Variants in TRIM24 observed in about 807,000 individuals in gnomAD.
TRIM24 encodes the protein transcription intermediary factor 1-alpha.
TRIM24 carries 29 observed loss-of-function variants against 123.9 expected under a neutral mutation model. The observed-to-expected ratio is 0.23, with a 90% confidence interval of 0.17 to 0.32. TRIM24 has a LOEUF of 0.32. Among genes scored for constraint, TRIM24 ranks in the 10% least tolerant of loss-of-function variants. The pLI, the probability that TRIM24 is intolerant of heterozygous loss-of-function variation, is 1.00. For synonymous variants in TRIM24, 456 were observed against 461.1 expected (o/e 0.99, Z 0.14); for missense variants, 932 against 1,295.3 (o/e 0.72, Z 4.31).
At chr7:138,505,596 A>ATG (rs1046670976) in intron 2 of TRIM24, among the ~76,000 whole-genome samples, 123 of 151,484 alleles carry the variant, frequency 8.1e-4, no homozygotes, top group African/African-American at 2.9e-3. Flanking sequence ...GAGTTCAGTG[A>ATG]TGTAGTCGTA....
At position 138,587,764 on chromosome 7, in the gene TRIM24, A is replaced by C. The variant is rs1434940428; in HGVS notation, c.*2813A>C. 6.6e-6 allele frequency: 1 copy of C among 152,240 alleles called. No individual in the cohort carries two copies. Among genetic ancestry groups the C allele is most frequent in the Non-Finnish European group, 1.5e-5 (1 of 68,072 alleles). 9.4% of individuals were successfully genotyped at this position (152,240 alleles called of 1,614,324 possible). On this transcript the variant is annotated 3_prime_UTR_variant, in exon 19 of 19. Coordinates refer to ENST00000343526, the MANE Select transcript of TRIM24 (RefSeq NM_015905.3). Reference sequence around the variant, plus strand: ...ATTTACTCAGTTCCACCTCACTGACAGCTTTTCTAGGTGCCAAGCAACTGA... The same window carrying C: ...ATTTACTCAGTTCCACCTCACTGACCGCTTTTCTAGGTGCCAAGCAACTGA...
At chr7:138,566,332 A>G (rs969086108) in intron 9 of TRIM24, among the ~76,000 whole-genome samples, 6 of 152,068 alleles carry the variant, frequency 3.9e-5, no homozygotes, top group Admixed American at 1.3e-4. Context: ...CCTGACCAAC[A>G]TGGCAAAACC....
intron 11 of TRIM24, among the ~76,000 whole-genome samples, chr7:138,572,960 T>A (rs1797687240): frequency 6.6e-6 from 1 of 152,228 alleles, no homozygotes; most frequent in South Asian, 2.1e-4. Flanking sequence ...TTCAGTGAGG[T>A]TAGTGCTGTA....
rs1163051621 is a variant in TRIM24 at position 138,460,383 on chromosome 7, G to A, written c.-166G>A. 7 of 632,530 alleles carry A rather than the reference G, an allele frequency of 1.1e-5. No homozygotes were observed. The highest frequency in any genetic ancestry group is 1.6e-5 in the Non-Finnish European group (7 of 439,992). The allele number at this position is 632,530 out of a possible 1,614,324, so 39.2% of individuals were successfully genotyped here. A position where few individuals can be genotyped will look rare whatever the true frequency, so the allele number is the denominator to read the frequency against. Reference sequence around the variant, plus strand: ...GCCACTCGGGAGGCGGATCCCGTGGGCCTGAGGAGGCTTCCCCCGCCCGGT... The same window carrying A: ...GCCACTCGGGAGGCGGATCCCGTGGACCTGAGGAGGCTTCCCCCGCCCGGT... On this transcript the variant is annotated 5_prime_UTR_variant, in exon 1 of 19. Transcript: ENST00000343526.
At chr7:138,521,191 T>C (rs74468952) in intron 4 of TRIM24, among the ~76,000 whole-genome samples, 3,240 of 152,212 alleles carry the variant, frequency 0.021, 92 homozygotes, top group African/African-American at 0.071. Context: ...TACCTCTTAG[T>C]AGAAGAAAAA....
chr7:138,498,833 C>T (rs1795970573), intron 1 of TRIM24, among the ~76,000 whole-genome samples: 1 of 151,962 alleles, frequency 6.6e-6, no homozygotes, highest in Admixed American at 6.6e-5. Context: ...AGGGTTTCAC[C>T]ATGTTGACCA....
At chr7:138,462,710 C>T (rs1226618027) in intron 1 of TRIM24, among the ~76,000 whole-genome samples, 1 of 151,976 alleles carries the variant, frequency 6.6e-6, no homozygotes, top group African/African-American at 2.4e-5. Flanking sequence ...TGTCTCTGAC[C>T]CTTGAATGTC....
intron 6 of TRIM24, among the ~76,000 whole-genome samples, chr7:138,533,791 T>C (rs2116597029): frequency 6.6e-6 from 1 of 152,346 alleles, no homozygotes; most frequent in South Asian, 2.1e-4. Context: ...GAAGGAATGG[T>C]ACCAGCTCCT....
At chr7:138,568,957 C>T (rs1214101229) in intron 10 of TRIM24, among the ~76,000 whole-genome samples, 2 of 151,920 alleles carry the variant, frequency 1.3e-5, no homozygotes, top group African/African-American at 2.4e-5. Flanking sequence ...AATCAATTTG[C>T]CTTTGCTATA....
At chr7:138,523,187 C>G (rs537843967) in intron 4 of TRIM24, among the ~76,000 whole-genome samples, 4 of 152,242 alleles carry the variant, frequency 2.6e-5, no homozygotes, top group African/African-American at 9.6e-5. Context: ...ATTGAGAGAG[C>G]AGGCCCAAAT....
At chr7:138,550,479 C>A (rs1165967135) in intron 7 of TRIM24, among the ~76,000 whole-genome samples, 1 of 151,954 alleles carries the variant, frequency 6.6e-6, no homozygotes, top group Non-Finnish European at 1.5e-5. Flanking sequence ...AATAGTGAAC[C>A]AAGAACTAAA....
intron 7 of TRIM24, among the ~76,000 whole-genome samples, chr7:138,542,570 G>A (rs575968955): frequency 6.6e-5 from 10 of 152,292 alleles, no homozygotes; most frequent in African/African-American, 2.4e-4. Context: ...TTGGAAGAAT[G>A]GTGCTGATTT....
Position 138,585,293 on chromosome 7 carries a change from A to T in TRIM24, c.*342A>T. On this transcript the variant is annotated 3_prime_UTR_variant, in exon 19 of 19. Transcript: ENST00000343526. ...GGAGTGATAGCTACTGTAGAAAGGA[A>T]ATAGACTTTGTATGAACTCTTTAAG... is the stretch of plus-strand genomic sequence containing the variant. 3.9e-6 allele frequency: 1 copy of T among 255,962 alleles called. No individual in the cohort carries two copies. The highest frequency in any genetic ancestry group is 7.5e-6 in the Non-Finnish European group (1 of 134,078). The allele number at this position is 255,962 out of a possible 1,614,324, so 15.9% of individuals were successfully genotyped here. A position where few individuals can be genotyped will look rare whatever the true frequency, so the allele number is the denominator to read the frequency against.
At chr7:138,487,044 G>C (rs1795663015) in intron 1 of TRIM24, among the ~76,000 whole-genome samples, 1 of 152,112 alleles carries the variant, frequency 6.6e-6, no homozygotes, top group South Asian at 2.1e-4. Flanking sequence ...TCCTTGAAGA[G>C]GTCCTTCACA....
rs565157824 is a variant in TRIM24, at chr7:138,579,249, A to C, written c.2302A>C (p.Ser768Arg). Reference sequence around the variant, plus strand: ...ACTCACCTCCCTGCTCTTAAATAGCAGTCAGAGCTCTACTTCTGAGGAGAC... The same window carrying C: ...ACTCACCTCCCTGCTCTTAAATAGCCGTCAGAGCTCTACTTCTGAGGAGAC... ...SILTSLLLNS[S>R]QSSTSEETVL... The change falls in exon 15 of 19, where the codon AGT (serine) becomes CGT (arginine). Residue 768 changes from serine to arginine, a missense_variant. Ser to Arg is a moderately radical substitution (Grantham distance 110). This residue lies in a region of TRIM24 where 527 missense variants were observed against 691.3 expected (regional missense o/e 0.76). Coordinates refer to ENST00000343526, the MANE Select transcript of TRIM24 (RefSeq NM_015905.3). The C allele has an allele frequency of 1.2e-6, 2 of 1,611,828 alleles. No individual in the cohort carries two copies. The highest frequency in any genetic ancestry group is 2.7e-5 in the African/African-American group (2 of 74,994).
intron 1 of TRIM24, among the ~76,000 whole-genome samples, chr7:138,482,960 CA>C (rs1328387610): frequency 6.6e-6 from 1 of 151,858 alleles, no homozygotes; most frequent in Non-Finnish European, 1.5e-5. Context: ...TTCTGTCACC[CA>C]GGCTGGAGTG....
At chr7:138,572,449 C>T (rs1344167349) in intron 11 of TRIM24, among the ~76,000 whole-genome samples, 2 of 152,152 alleles carry the variant, frequency 1.3e-5, no homozygotes, top group African/African-American at 4.8e-5. Context: ...GCCCCCGAAC[C>T]CACAGAAAGT....
At chr7:138,550,906 C>T (rs1797197046) in intron 7 of TRIM24, among the ~76,000 whole-genome samples, 157 bp from the exon 8 acceptor site, 1 of 152,096 alleles carries the variant, frequency 6.6e-6, no homozygotes, top group Admixed American at 6.5e-5. Flanking sequence ...AAGTTTTTAA[C>T]TTGTTTTGGA....
At chr7:138,548,922 T>A (rs1257651480) in intron 7 of TRIM24, among the ~76,000 whole-genome samples, 1 of 152,186 alleles carries the variant, frequency 6.6e-6, no homozygotes, top group Non-Finnish European at 1.5e-5. Flanking sequence ...AGTCTTCAGT[T>A]CTCATCTCCT....
Sources: gnomAD v4.1 joint callset for allele counts (sites outside exome capture counted in the v4.1 genomes callset) on GRCh38, gnomAD v4.1.1 for gene constraint, gnomAD v4.1.1 regional missense constraint, MANE v1.5 for transcripts, NCBI Gene and HGNC (gene_info 2026-07-23, HGNC 2026-07-21) for gene names.